The following HIPK3 variants were observed in gnomAD, a reference collection of about 807,000 sequenced individuals.
HIPK3 encodes the protein homeodomain-interacting protein kinase 3.
HIPK3 carries 47 observed loss-of-function variants against 124.2 expected under a neutral mutation model. That is an observed-to-expected ratio of 0.38 (90% confidence interval 0.30 to 0.48). The LOEUF (loss-of-function observed/expected upper bound fraction) is 0.48. Among genes scored for constraint, HIPK3 ranks in the 20% least tolerant of loss-of-function variants. The probability of loss-of-function intolerance (pLI) is 0.98; values close to 1 mark genes in which losing one functional copy is unlikely to be tolerated. For synonymous variants in HIPK3, 482 were observed against 515.2 expected, an observed-to-expected ratio of 0.94 and a Z score of 0.87; for missense variants, 1,286 against 1,454.3, an observed-to-expected ratio of 0.88 and a Z score of 1.88.
chr11:33,350,782 C>T (rs909245202), intron 14 of HIPK3, among the ~76,000 whole-genome samples: 12 of 151,950 alleles, frequency 7.9e-5, no homozygotes, highest in Non-Finnish European at 1.3e-4. Flanking sequence ...CATCTTTTTC[C>T]TTAGGAAATA....
chr11:33,314,726 G>C (rs1388572596), intron 2 of HIPK3, among the ~76,000 whole-genome samples: 2 of 152,096 alleles, frequency 1.3e-5, no homozygotes, highest in Non-Finnish European at 2.9e-5. Context: ...TTAAATTATT[G>C]TTAATAATTT....
intron 1 of HIPK3, chr11:33,258,203 CG>C (rs1463153052): frequency 2.1e-6 from 1 of 486,306 alleles, no homozygotes; most frequent in Non-Finnish European, 2.7e-6. Context: ...CCGGGGGCCT[CG>C]GCCCCCCCTC....
intron 1 of HIPK3, among the ~76,000 whole-genome samples, chr11:33,265,498 G>T (rs1408652863): frequency 6.6e-6 from 1 of 152,162 alleles, no homozygotes; most frequent in Non-Finnish European, 1.5e-5. Context: ...TATTGGCCAG[G>T]CACGGTGGCT....
chr11:33,273,512 CAAAA>C (rs398015727), intron 1 of HIPK3, among the ~76,000 whole-genome samples: 6 of 48,038 alleles, frequency 1.2e-4, no homozygotes, highest in South Asian at 9.5e-4. Flanking sequence ...TCTGTCTCCA[CAAAA>C]AAAAAAAAAA....
intron 1 of HIPK3, among the ~76,000 whole-genome samples, chr11:33,274,903 C>CT (rs1851231015): frequency 6.6e-6 from 1 of 152,120 alleles, no homozygotes; most frequent in Non-Finnish European, 1.5e-5. Flanking sequence ...TCTCTAGATG[C>CT]TTTGTTCACA....
chr11:33,353,549 G>T lies in HIPK3; in HGVS notation c.3629G>T (p.Ser1210Ile). Reference protein sequence around the residue: ...TGFPLSPTKLSQYPYM With the variant: ...TGFPLSPTKLIQYPYM ...TTTCCACTGAGTCCAACAAAACTCA[G>T]CCAGTATCCATATATGTGAAAAACA... The change falls in exon 17 of 17, where the codon AGC becomes ATC. Residue 1210 changes from serine to isoleucine, a missense_variant. Transcript: ENST00000303296. The T allele has an allele frequency of 6.2e-7, 1 of 1,603,738 alleles. No individual in the cohort carries two copies. Among genetic ancestry groups the T allele is most frequent in the African/African-American group, 1.3e-5 (1 of 74,728 alleles).
At chr11:33,315,850 T>C (rs1852486549) in intron 2 of HIPK3, among the ~76,000 whole-genome samples, 1 of 152,218 alleles carries the variant, frequency 6.6e-6, no homozygotes, top group Admixed American at 6.5e-5. Flanking sequence ...TGAAAATATT[T>C]GTTATTGTTG....
At chr11:33,294,638 T>G (rs903890407) in intron 2 of HIPK3, among the ~76,000 whole-genome samples, 3 of 152,192 alleles carry the variant, frequency 2.0e-5, no homozygotes, top group Non-Finnish European at 4.4e-5. Context: ...AAGGTCTTGC[T>G]TTGTGGCCCA....
Position 33,310,268 on chromosome 11 carries a change from C to CTT in HIPK3, c.1098-18241_1098-18240insTT, listed in dbSNP as rs1338183894. On this transcript the variant is annotated intron_variant, in intron 2 of 16. Coordinates refer to ENST00000303296, the MANE Select transcript of HIPK3 (RefSeq NM_005734.5). ...TCTGTCTGTCTGTCTGTCTGTCTGTCTGTCTGTCTATCTTATCTATCTATC... is the reference window on the plus strand; with the variant it reads ...TCTGTCTGTCTGTCTGTCTGTCTGTCTTTGTCTGTCTATCTTATCTATCTATC... Among the ~76,000 whole-genome samples, 15 of 116,026 alleles carry CTT rather than the reference C, an allele frequency of 1.3e-4. No individual in the cohort carries two copies. The East Asian group carries it at 1.9e-3, about 15-fold the overall frequency. The allele number at this position is 116,026 out of a possible 152,430, so 76.1% of individuals were successfully genotyped here.
chr11:33,270,863 AT>A, intron 1 of HIPK3, among the ~76,000 whole-genome samples: 1 of 152,304 alleles, frequency 6.6e-6, no homozygotes, highest in South Asian at 2.1e-4. Context: ...GTTATCATGT[AT>A]TTTAATTTTA....
At chr11:33,271,006 G>A (rs1181985550) in intron 1 of HIPK3, among the ~76,000 whole-genome samples, 1 of 152,100 alleles carries the variant, frequency 6.6e-6, no homozygotes, top group Non-Finnish European at 1.5e-5. Flanking sequence ...TAATGTGAAT[G>A]ATATATCTTT....
At position 33,348,766 on chromosome 11, in the gene HIPK3, A is replaced by G. The variant is rs1192510396; in HGVS notation, c.2614A>G (p.Ile872Val). The G allele has an allele frequency of 6.2e-6, 10 of 1,614,036 alleles. No homozygotes were observed. Among genetic ancestry groups the G allele is most frequent in the Admixed American group, 5.0e-5 (3 of 60,030 alleles). The change falls in exon 13 of 17, where the codon ATC becomes GTC. Residue 872 changes from isoleucine to valine, a missense_variant. Ile to Val is a conservative substitution (Grantham distance 29). Transcript: ENST00000303296. ...SPSPAVSVIT[I>V]SSDTDEEETS... ...GAGTCCTGCAGTGAGTGTCATCACTATCAGCAGTGACACTGATGAGGAAGA... is the reference window on the plus strand; with the variant it reads ...GAGTCCTGCAGTGAGTGTCATCACTGTCAGCAGTGACACTGATGAGGAAGA...
intron 1 of HIPK3, among the ~76,000 whole-genome samples, chr11:33,269,611 G>C (rs1011277138): frequency 6.6e-5 from 10 of 151,910 alleles, no homozygotes; most frequent in Non-Finnish European, 1.3e-4. Flanking sequence ...TCAAGTCTAG[G>C]GTCCTCTGTT....
chr11:33,272,920 G>A (rs569959653), intron 1 of HIPK3, among the ~76,000 whole-genome samples: 6 of 149,814 alleles, frequency 4.0e-5, no homozygotes, highest in Admixed American at 1.4e-4. Context: ...CACTATCACA[G>A]CCAAGCAACC....
chr11:33,295,050 A>G (rs1026934718), intron 2 of HIPK3, among the ~76,000 whole-genome samples: 1 of 151,914 alleles, frequency 6.6e-6, no homozygotes, highest in Non-Finnish European at 1.5e-5. Flanking sequence ...AGCGATAAAC[A>G]TATGTAATGG....
At chr11:33,339,650 G>T in intron 6 of HIPK3, 116 bp downstream of exon 6, 1 of 747,730 alleles carries the variant, frequency 1.3e-6, no homozygotes. Context: ...AGTCAAAAGA[G>T]GCTAAGCTAA....
intron 1 of HIPK3, among the ~76,000 whole-genome samples, chr11:33,280,987 GGACCTTATCACA>G (rs1851397185): frequency 6.6e-6 from 1 of 151,392 alleles, no homozygotes; most frequent in Non-Finnish European, 1.5e-5. Context: ...TCAGATGCCT[GGACCTTATCACA>G]GACCTACCAC....
chr11:33,307,331 A>C (rs1852190747), intron 2 of HIPK3, among the ~76,000 whole-genome samples: 1 of 152,070 alleles, frequency 6.6e-6, no homozygotes, highest in South Asian at 2.1e-4. Context: ...AAACTTTTAT[A>C]ATATGAACAC....
At chr11:33,335,885 C>T (rs1002105203) in intron 3 of HIPK3, 4 of 152,156 alleles carry the variant, frequency 2.6e-5, no homozygotes, top group African/African-American at 9.7e-5. Context: ...TGCTAAGCCC[C>T]TGTTTATCCC....
Sources: gnomAD v4.1 joint callset for allele counts (sites outside exome capture counted in the v4.1 genomes callset) on GRCh38, gnomAD v4.1.1 for gene constraint, MANE v1.5 for transcripts, NCBI Gene and HGNC (gene_info 2026-07-23, HGNC 2026-07-21) for gene names.